The following SVOPL variants were observed in gnomAD, a reference collection of about 807,000 sequenced individuals.
The protein encoded by SVOPL is SVOP like, also known as putative transporter SVOPL.
SVOPL carries 60 observed loss-of-function variants against 61.0 expected under a neutral mutation model. The observed-to-expected ratio is 0.98, with a 90% CI of 0.80 to 1.22. The LOEUF is 1.22. Ranked by LOEUF, SVOPL falls within the 50% of genes most tolerant of loss-of-function variation. The probability of loss-of-function intolerance (pLI) is 0.00; values close to 1 mark genes in which losing one functional copy is unlikely to be tolerated. For synonymous variants in SVOPL, 279 were observed against 250.0 expected (o/e 1.12, Z -1.09); for missense variants, 662 against 643.9 (o/e 1.03, Z -0.30).
At chr7:138,682,153 C>A (rs1460910736) in intron 1 of SVOPL, among the ~76,000 whole-genome samples, 2 of 152,140 alleles carry the variant, frequency 1.3e-5, no homozygotes, top group Non-Finnish European at 2.9e-5. Flanking sequence ...GGAATTAAAT[C>A]ATGACTGTTT....
chr7:138,596,206 A>G (rs1442723078), intron 15 of SVOPL, among the ~76,000 whole-genome samples: 2 of 150,164 alleles, frequency 1.3e-5, no homozygotes, highest in African/African-American at 4.9e-5. Flanking sequence ...AAAAAAAAAA[A>G]AGAAAGAAAA....
At chr7:138,645,263 G>A (rs1309287228) in intron 8 of SVOPL, among the ~76,000 whole-genome samples, 1 of 152,112 alleles carries the variant, frequency 6.6e-6, no homozygotes, top group Non-Finnish European at 1.5e-5. Flanking sequence ...CCCACACGGT[G>A]GAGGAATCAG....
chr7:138,697,210 A>G (rs892006665), intron 1 of SVOPL, among the ~76,000 whole-genome samples: 1 of 152,194 alleles, frequency 6.6e-6, no homozygotes, highest in Non-Finnish European at 1.5e-5. Flanking sequence ...CATCTCTACA[A>G]AAATAATACT....
rs998107462 is a variant in SVOPL, at chr7:138,689,276, G to C, written c.-34-10197C>G. ...TGCTGCACATGGTTAAAAATGCAGAGAGCAATGCAGAACTTAAGGGTTTAG... is the reference window on the plus strand; with the variant it reads ...TGCTGCACATGGTTAAAAATGCAGACAGCAATGCAGAACTTAAGGGTTTAG... On this transcript the variant is annotated intron_variant, in intron 1 of 15. Transcript: ENST00000674285. 10 of 1,580,982 alleles carry C rather than the reference G, an allele frequency of 6.3e-6. No homozygotes were observed. The East Asian group carries it at 2.0e-4, about 32-fold the overall frequency.
At chr7:138,657,587 T>C (rs115068467) in intron 6 of SVOPL, among the ~76,000 whole-genome samples, 5,581 of 152,296 alleles carry the variant, frequency 0.037, 183 homozygotes, top group African/African-American at 0.089. Flanking sequence ...TAGAAACATA[T>C]TCCATCAGTT....
In SVOPL at chr7:138,599,161, A is replaced by C. The variant is rs200674762; in HGVS notation, c.1354-2631T>G. 2.9e-3 allele frequency among the ~76,000 whole-genome samples: 318 copies of C among 110,590 alleles called. 9 individuals carry two copies. The highest frequency in any genetic ancestry group is 4.1e-3 in the Non-Finnish European group (223 of 54,252). 72.6% of individuals were successfully genotyped at this position (110,590 alleles called of 152,430 possible). A position where few individuals can be genotyped will look rare whatever the true frequency, so the allele number is the denominator to read the frequency against. On this transcript the variant is annotated intron_variant, in intron 14 of 15. Coordinates refer to ENST00000674285, the MANE Select transcript of SVOPL (RefSeq NM_001139456.2). ...GTCTCCAAAAAAAAAAAAAAAACCA[A>C]AAAAAAAAGAAATACAGAAATGTCA... is the stretch of plus-strand genomic sequence containing the variant.
intron 6 of SVOPL, among the ~76,000 whole-genome samples, chr7:138,659,350 G>A (rs1196076638): frequency 5.9e-5 from 9 of 151,992 alleles, no homozygotes; most frequent in African/African-American, 1.9e-4. Context: ...AAAATTAGCC[G>A]GGCATGATGG....
intron 1 of SVOPL, chr7:138,689,252 G>C: frequency 6.4e-7 from 1 of 1,559,304 alleles, no homozygotes; most frequent in Non-Finnish European, 8.8e-7. Context: ...CTGAATTTTT[G>C]CTGCACATGG....
intron 6 of SVOPL, among the ~76,000 whole-genome samples, chr7:138,657,234 C>T (rs997221007): frequency 6.6e-6 from 1 of 151,958 alleles, no homozygotes; most frequent in East Asian, 1.9e-4. Flanking sequence ...CAGCTCGCTG[C>T]AGCCTCAAAC....
At chr7:138,613,077 C>A (rs139982599) in intron 14 of SVOPL, among the ~76,000 whole-genome samples, 6 of 151,738 alleles carry the variant, frequency 4.0e-5, no homozygotes, top group Non-Finnish European at 7.4e-5. Context: ...TGGAGTGCAG[C>A]GGCACAATCC....
intron 14 of SVOPL, among the ~76,000 whole-genome samples, chr7:138,614,842 C>CT (rs1428591839): frequency 6.6e-6 from 1 of 152,192 alleles, no homozygotes; most frequent in Non-Finnish European, 1.5e-5. Flanking sequence ...GGCTTTTCCA[C>CT]TGACATCTCT....
chr7:138,599,634 T>C (rs920452202), intron 14 of SVOPL, among the ~76,000 whole-genome samples: 7 of 152,294 alleles, frequency 4.6e-5, no homozygotes, highest in African/African-American at 9.6e-5. Flanking sequence ...ATGCCTGTAA[T>C]CCCAGCACTT....
chr7:138,668,326 G>A (rs1802326956), intron 4 of SVOPL, among the ~76,000 whole-genome samples: 2 of 152,116 alleles, frequency 1.3e-5, no homozygotes, highest in Non-Finnish European at 2.9e-5. Flanking sequence ...TGCCCACACA[G>A]CCAGCTCTGT....
intron 4 of SVOPL, among the ~76,000 whole-genome samples, chr7:138,667,743 T>C (rs1010694702): frequency 1.4e-4 from 21 of 152,224 alleles, no homozygotes; most frequent in African/African-American, 4.3e-4. Context: ...TTCTTGAAAC[T>C]GACACTGCAA....
intron 7 of SVOPL, among the ~76,000 whole-genome samples, chr7:138,653,526 GCA>G (rs1271012376): frequency 6.6e-6 from 1 of 152,152 alleles, no homozygotes; most frequent in Non-Finnish European, 1.5e-5. Flanking sequence ...TTGGGGCCGT[GCA>G]CAGTGCCTCT....
At chr7:138,673,394 T>G (rs1279473067) in intron 3 of SVOPL, among the ~76,000 whole-genome samples, 1 of 152,144 alleles carries the variant, frequency 6.6e-6, no homozygotes, top group African/African-American at 2.4e-5. Context: ...AGGTGACTAA[T>G]GTCTGTAATC....
chr7:138,674,522 G>A (rs760600392), intron 3 of SVOPL, among the ~76,000 whole-genome samples: 3 of 151,820 alleles, frequency 2.0e-5, no homozygotes, highest in Non-Finnish European at 4.4e-5. Context: ...CTGGCAGAGA[G>A]CCCTTCCTAG....
rs58372563 is a variant in SVOPL, at chr7:138,599,167, A to AAAAAAAC, written c.1354-2638_1354-2637insGTTTTTT. 3.9e-3 allele frequency among the ~76,000 whole-genome samples: 472 copies of AAAAAAAC among 121,070 alleles called. 12 individuals carry two copies. The highest frequency in any genetic ancestry group is 0.017 in the Middle Eastern group (3 of 178). 79.4% of individuals were successfully genotyped at this position (121,070 alleles called of 152,430 possible). ...AAAAAAAAAAAAAAAACCAAAAAAA[A>AAAAAAAC]AAGAAATACAGAAATGTCAAAAGAC... is the stretch of plus-strand genomic sequence containing the variant. On this transcript the variant is annotated intron_variant, in intron 14 of 15. Coordinates refer to ENST00000674285, the MANE Select transcript of SVOPL (RefSeq NM_001139456.2).
intron 7 of SVOPL, among the ~76,000 whole-genome samples, chr7:138,651,619 A>G (rs1801437122): frequency 6.6e-6 from 1 of 151,990 alleles, no homozygotes; most frequent in Admixed American, 6.6e-5. Context: ...AAACTTTATC[A>G]TTATTTTTGC....
Sources: gnomAD v4.1 joint callset for allele counts (sites outside exome capture counted in the v4.1 genomes callset) on GRCh38, gnomAD v4.1.1 for gene constraint, MANE v1.5 for transcripts, NCBI Gene and HGNC (gene_info 2026-07-23, HGNC 2026-07-21) for gene names.